PHF21B: variants seen among roughly 807,000 people sequenced by gnomAD.
PHF21B encodes PHD finger protein 4.
A neutral mutation model predicts 62.2 loss-of-function variants in PHF21B; 22 were observed. That is an observed-to-expected ratio of 0.35 (90% CI 0.25 to 0.51). The LOEUF (loss-of-function observed/expected upper bound fraction) is 0.51, where lower values mean the gene tolerates loss of function less well. PHF21B is among the 20% of genes least tolerant of loss of function. The pLI is 0.97. For synonymous variants in PHF21B, 341 were observed against 314.7 expected, an observed-to-expected ratio of 1.08 and a Z score of -0.88; for missense variants, 701 against 707.9, an observed-to-expected ratio of 0.99 and a Z score of 0.11.
At chr22:44,919,162 G>C (rs956699536) in intron 3 of PHF21B, among the ~76,000 whole-genome samples, 6 of 152,114 alleles carry the variant, frequency 3.9e-5, no homozygotes, top group Admixed American at 3.3e-4. Flanking sequence ...GCCCAGGTGT[G>C]TGGCAAGTCT....
chr22:44,922,919 C>A (rs1460399242), intron 2 of PHF21B, among the ~76,000 whole-genome samples: 1 of 152,106 alleles, frequency 6.6e-6, no homozygotes, highest in Non-Finnish European at 1.5e-5. Context: ...TTCAACACAA[C>A]CTCAAATCAA....
intron 2 of PHF21B, among the ~76,000 whole-genome samples, chr22:44,969,653 G>A (rs936243276): frequency 3.3e-5 from 5 of 152,014 alleles, no homozygotes; most frequent in Non-Finnish European, 4.4e-5. Context: ...GTCATACAGC[G>A]AGACTCAGTC....
chr22:44,923,085 C>T (rs1204248173), intron 2 of PHF21B, among the ~76,000 whole-genome samples: 1 of 152,068 alleles, frequency 6.6e-6, no homozygotes, highest in African/African-American at 2.4e-5. Context: ...GACTCCAAGA[C>T]CCGCTATAAA....
At chr22:44,885,234 T>C (rs2070835161) in intron 12 of PHF21B, among the ~76,000 whole-genome samples, 192 bp downstream of exon 12, 1 of 134,286 alleles carries the variant, frequency 7.4e-6, no homozygotes, top group African/African-American at 2.8e-5. Context: ...CCTGCAGGGC[T>C]GAGGCCAGCC....
intron 2 of PHF21B, among the ~76,000 whole-genome samples, chr22:44,923,721 A>G (rs1389376527): frequency 6.6e-6 from 1 of 152,182 alleles, no homozygotes; most frequent in Non-Finnish European, 1.5e-5. Flanking sequence ...ATACTCCACT[A>G]AAGAAGATAT....
chr22:44,901,896 C>T (rs759099368), intron 5 of PHF21B: 14 of 244,938 alleles, frequency 5.7e-5, no homozygotes, highest in African/African-American at 1.8e-4. Flanking sequence ...CCGGCTGGTT[C>T]AACTTCACAA....
At chr22:44,887,719 C>T (rs1405915260) in intron 10 of PHF21B, among the ~76,000 whole-genome samples, 2 of 145,694 alleles carry the variant, frequency 1.4e-5, no homozygotes, top group African/African-American at 5.2e-5. Context: ...TGTGCCACTG[C>T]ACTCCAGCCT....
chr22:44,965,544 G>A (rs917456496), intron 2 of PHF21B, among the ~76,000 whole-genome samples: 1 of 152,020 alleles, frequency 6.6e-6, no homozygotes, highest in Non-Finnish European at 1.5e-5. Context: ...CTTGGCTGAG[G>A]GGTTTCCCTC....
At chr22:44,889,518 G>A (rs2070922449) in intron 9 of PHF21B, among the ~76,000 whole-genome samples, 1 of 152,232 alleles carries the variant, frequency 6.6e-6, no homozygotes, top group Non-Finnish European at 1.5e-5. Flanking sequence ...CAATTCTGAG[G>A]AGGGAGGGCT....
chr22:44,982,721 G>C (rs755287619), intron 2 of PHF21B, among the ~76,000 whole-genome samples: 2 of 152,214 alleles, frequency 1.3e-5, no homozygotes, highest in African/African-American at 4.8e-5. Flanking sequence ...AAGGTTTACA[G>C]AGGGCATTTA....
At chr22:44,939,504 G>A (rs1244064334) in intron 2 of PHF21B, among the ~76,000 whole-genome samples, 1 of 152,230 alleles carries the variant, frequency 6.6e-6, no homozygotes, top group Non-Finnish European at 1.5e-5. Flanking sequence ...TCCCAGGTGG[G>A]GGCGGCAGAG....
intron 6 of PHF21B, 129 bp from the exon 7 acceptor site, chr22:44,893,662 G>T (rs375061745): frequency 1.1e-6 from 1 of 893,582 alleles, no homozygotes; most frequent in Non-Finnish European, 1.7e-6. Context: ...CAGCATCCAT[G>T]CCACAGAATG....
At chr22:44,926,716 C>T (rs2071639307) in intron 2 of PHF21B, among the ~76,000 whole-genome samples, 1 of 152,148 alleles carries the variant, frequency 6.6e-6, no homozygotes, top group Middle Eastern at 3.2e-3. Context: ...AGTACTGCCA[C>T]GTGGGCCATG....
intron 2 of PHF21B, among the ~76,000 whole-genome samples, chr22:44,950,567 G>A (rs982916741): frequency 2.6e-5 from 4 of 151,848 alleles, no homozygotes; most frequent in Admixed American, 1.3e-4. Context: ...TCTGTTCTTC[G>A]TGTTCGTGTT....
intron 2 of PHF21B, among the ~76,000 whole-genome samples, chr22:44,975,221 G>A (rs923819196): frequency 1.3e-5 from 2 of 152,196 alleles, no homozygotes; most frequent in African/African-American, 4.8e-5. Flanking sequence ...AAGGGTCCAA[G>A]CTCCTGGCTG....
At chr22:45,003,921 A>G (rs768393800) in intron 2 of PHF21B, among the ~76,000 whole-genome samples, 5 of 152,232 alleles carry the variant, frequency 3.3e-5, no homozygotes, top group Non-Finnish European at 7.3e-5. Flanking sequence ...ATATAAGTGG[A>G]ATCATACTAT....
At chr22:45,003,966 T>TAC (rs200956589) in intron 2 of PHF21B, among the ~76,000 whole-genome samples, 147 of 152,116 alleles carry the variant, frequency 9.7e-4, no homozygotes, top group African/African-American at 2.8e-3. Flanking sequence ...AGTCATTTTA[T>TAC]ACACACACAC....
intron 2 of PHF21B, among the ~76,000 whole-genome samples, chr22:44,979,951 C>A (rs1200654334): frequency 6.6e-6 from 1 of 151,190 alleles, no homozygotes; most frequent in Admixed American, 6.6e-5. Context: ...TGCCTGTAGT[C>A]CCAGCTACTC....
chr22:44,977,558 G>A (rs1237796308), intron 2 of PHF21B, among the ~76,000 whole-genome samples: 1 of 149,738 alleles, frequency 6.7e-6, no homozygotes. Context: ...GAGCGAGACT[G>A]TGTCTCAAAA....
Sources: gnomAD v4.1 joint callset for allele counts (sites outside exome capture counted in the v4.1 genomes callset) on GRCh38, gnomAD v4.1.1 for gene constraint, MANE v1.5 for transcripts, NCBI Gene and HGNC (gene_info 2026-07-23, HGNC 2026-07-21) for gene names.